Variants in CADPS2 observed in about 807,000 individuals in gnomAD.
CADPS2 encodes the protein calcium dependent secretion activator 2.
CADPS2 carries 93 observed loss-of-function variants against 172.5 expected under a neutral mutation model. The observed-to-expected ratio is 0.54, with a 90% confidence interval of 0.46 to 0.64. CADPS2 has a LOEUF of 0.64. Among genes scored for constraint, CADPS2 ranks in the 30% least tolerant of loss-of-function variants. The pLI, the probability that CADPS2 is intolerant of heterozygous loss-of-function variation, is 0.00. For missense variants in CADPS2, 1,420 were observed against 1,565.9 expected (o/e 0.91, Z 1.57); for synonymous variants, 546 against 555.2 (o/e 0.98, Z 0.23).
chr7:122,794,823 A>C, intron 1 of CADPS2, among the ~76,000 whole-genome samples: 1 of 152,102 alleles, frequency 6.6e-6, no homozygotes, highest in Admixed American at 6.6e-5. Flanking sequence ...AATTCACTCA[A>C]AACCATACAA....
rs147886899 is a variant in CADPS2 at position 122,674,943 on chromosome 7, T to C, written c.454-11374A>G. Among the ~76,000 whole-genome samples, 21 of 152,362 alleles carry C rather than the reference T, an allele frequency of 1.4e-4. No individual in the cohort carries two copies. The East Asian group carries it at 2.9e-3, about 21-fold the overall frequency. On this transcript the variant is annotated intron_variant, in intron 2 of 29. Coordinates refer to ENST00000449022, the MANE Select transcript of CADPS2 (RefSeq NM_017954.11). ...TTTTAAAACTACTTTTCAGGTGTTA[T>C]CAATTCATGAAGCTTTGTAACTGTG...
intron 20 of CADPS2, among the ~76,000 whole-genome samples, chr7:122,400,949 C>T (rs2045874571): frequency 6.6e-6 from 1 of 152,184 alleles, no homozygotes; most frequent in Admixed American, 6.5e-5. Flanking sequence ...ATCTCTGATA[C>T]AGCCTAAGTG....
intron 6 of CADPS2, among the ~76,000 whole-genome samples, chr7:122,587,398 G>A (rs1484797186): frequency 6.6e-6 from 1 of 152,046 alleles, no homozygotes; most frequent in African/African-American, 2.4e-5. Flanking sequence ...AGTTTGCTGA[G>A]GATAATGGCT....
intron 11 of CADPS2, among the ~76,000 whole-genome samples, chr7:122,488,041 T>A (rs2057993861): frequency 1.3e-5 from 2 of 152,166 alleles, no homozygotes; most frequent in South Asian, 4.1e-4. Context: ...AAATTCACAT[T>A]AAATGCTGTA....
At chr7:122,703,326 T>C (rs1488105537) in intron 2 of CADPS2, among the ~76,000 whole-genome samples, 2 of 152,040 alleles carry the variant, frequency 1.3e-5, no homozygotes, top group African/African-American at 4.8e-5. Context: ...CTACCCAATA[T>C]GGCATTCTGT....
intron 8 of CADPS2, among the ~76,000 whole-genome samples, chr7:122,528,554 T>C (rs1272171375): frequency 6.6e-6 from 1 of 152,148 alleles, no homozygotes; most frequent in Non-Finnish European, 1.5e-5. Context: ...AAGCCAGTAG[T>C]CATAAAGAAT....
rs1008163151 is a variant in CADPS2, at chr7:122,399,660, C to CTTTTTTTTTTTTTTTTTTTTT, written c.2747-6099_2747-6079dup. ...CGATAACTCTCTCAAGGGTGGGTTT[C>CTTTTTTTTTTTTTTTTTTTTT]TTTTTTTTTTTTTTTTTTTTTTTTT... On this transcript the variant is annotated intron_variant, in intron 20 of 29. Coordinates refer to ENST00000449022, the MANE Select transcript of CADPS2 (RefSeq NM_017954.11). Among the ~76,000 whole-genome samples, 13 of 51,228 alleles carry CTTTTTTTTTTTTTTTTTTTTT rather than the reference C, an allele frequency of 2.5e-4. 5 individuals carry two copies. The highest frequency in any genetic ancestry group is 4.8e-4 in the Non-Finnish European group (13 of 27,068). 33.6% of individuals were successfully genotyped at this position (51,228 alleles called of 152,430 possible).
intron 1 of CADPS2, among the ~76,000 whole-genome samples, chr7:122,775,049 A>G (rs193256174): frequency 2.8e-4 from 43 of 151,824 alleles, no homozygotes; most frequent in African/African-American, 1.0e-3. Flanking sequence ...AAATTAACCT[A>G]CTTCTAGAAG....
chr7:122,833,107 A>G (rs1419690675), intron 1 of CADPS2, among the ~76,000 whole-genome samples: 1 of 152,226 alleles, frequency 6.6e-6, no homozygotes, highest in African/African-American at 2.4e-5. Context: ...ATTTCCTTCC[A>G]GCCTTTGTTC....
intron 9 of CADPS2, among the ~76,000 whole-genome samples, chr7:122,505,278 C>A (rs1239078976): frequency 6.6e-6 from 1 of 152,168 alleles, no homozygotes; most frequent in African/African-American, 2.4e-5. Flanking sequence ...TTTTTCTTCA[C>A]ATAACCTGAA....
intron 1 of CADPS2, among the ~76,000 whole-genome samples, chr7:122,875,737 A>G (rs1013023273): frequency 1.3e-5 from 2 of 152,192 alleles, no homozygotes; most frequent in African/African-American, 4.8e-5. Flanking sequence ...TGAAAAGAGA[A>G]TATTTAAATA....
chr7:122,592,665 G>T (rs563160463), intron 6 of CADPS2, among the ~76,000 whole-genome samples: 13 of 152,118 alleles, frequency 8.5e-5, no homozygotes, highest in South Asian at 4.1e-4. Context: ...CCATAAAAAA[G>T]GATGAGTTCA....
intron 1 of CADPS2, among the ~76,000 whole-genome samples, chr7:122,773,057 T>C: frequency 6.6e-6 from 1 of 152,194 alleles, no homozygotes; most frequent in East Asian, 1.9e-4. Context: ...CTCAGTATAA[T>C]GAAGGTCAGA....
intron 9 of CADPS2, 140 bp downstream of exon 9, chr7:122,513,109 T>A (rs2060119766): frequency 1.7e-6 from 1 of 603,796 alleles, no homozygotes. Context: ...TAGCATGTAA[T>A]GAATGTACTG....
intron 6 of CADPS2, among the ~76,000 whole-genome samples, chr7:122,592,608 A>G (rs1413303345): frequency 6.6e-6 from 1 of 152,136 alleles, no homozygotes; most frequent in Non-Finnish European, 1.5e-5. Context: ...TCAATGATAG[A>G]CTGGATTAAG....
intron 2 of CADPS2, chr7:122,701,950 G>A (rs1420496484): frequency 6.2e-7 from 1 of 1,613,430 alleles, no homozygotes; most frequent in Admixed American, 1.7e-5. Context: ...CTACATCTTG[G>A]GGTTTGTATG....
At chr7:122,389,514 A>AGTAACTTATAGAAGTTACCTTCTAGAAG (rs1349582364) in intron 22 of CADPS2, among the ~76,000 whole-genome samples, 36 of 152,142 alleles carry the variant, frequency 2.4e-4, no homozygotes, top group Non-Finnish European at 4.9e-4. Flanking sequence ...GAAGAGTTAC[A>AGTAACTTATAGAAGTTACCTTCTAGAAG]GTAACTTATA....
intron 1 of CADPS2, among the ~76,000 whole-genome samples, chr7:122,753,202 T>G (rs903906963): frequency 6.6e-6 from 1 of 152,208 alleles, no homozygotes; most frequent in Non-Finnish European, 1.5e-5. Context: ...AAGTCAAAGA[T>G]TACTTTTCTA....
chr7:122,872,798 T>C (rs1010621240), intron 1 of CADPS2, among the ~76,000 whole-genome samples: 27 of 152,212 alleles, frequency 1.8e-4, no homozygotes, highest in Admixed American at 1.3e-4. Flanking sequence ...AAAAATTCCA[T>C]GCAGATCCAG....
Sources: gnomAD v4.1 joint callset for allele counts (sites outside exome capture counted in the v4.1 genomes callset) on GRCh38, gnomAD v4.1.1 for gene constraint, MANE v1.5 for transcripts, NCBI Gene and HGNC (gene_info 2026-07-23, HGNC 2026-07-21) for gene names.